The following ATP5F1A variants were observed in gnomAD, a reference collection of about 807,000 sequenced individuals.
The protein encoded by ATP5F1A is ATP synthase F(1) complex subunit alpha, mitochondrial.
ATP5F1A carries 24 observed loss-of-function variants against 57.4 expected under a neutral mutation model. The observed-to-expected ratio is 0.42, with a 90% CI of 0.30 to 0.59. The LOEUF (loss-of-function observed/expected upper bound fraction) is 0.59. ATP5F1A is among the 20% of genes least tolerant of loss of function. ATP5F1A has a pLI of 0.19. For missense variants in ATP5F1A, 494 were observed against 707.9 expected, an observed-to-expected ratio of 0.70 and a Z score of 3.43; for synonymous variants, 251 against 255.5, an observed-to-expected ratio of 0.98 and a Z score of 0.17.
intron 2 of ATP5F1A, 148 bp downstream of exon 2, chr18:46,094,905 T>C: frequency 8.3e-7 from 1 of 1,209,092 alleles, no homozygotes; most frequent in Non-Finnish European, 1.1e-6. Context: ...CAGGGCTAAA[T>C]GGTAACAATA....
chr18:46,086,936 C>G (rs1910143363), intron 8 of ATP5F1A, 72 bp downstream of exon 8: 3 of 1,477,904 alleles, frequency 2.0e-6, no homozygotes, highest in Non-Finnish European at 2.8e-6. Context: ...GTCAATATAC[C>G]ATTAGTCTCA....
Position 46,084,155 on chromosome 18 carries a change from A to T in ATP5F1A, c.*127T>A. On this transcript the variant is annotated 3_prime_UTR_variant, in exon 12 of 12. Transcript: ENST00000398752. ...AAATGACAGAAAACAACTATGCATT[A>T]TGGAACCTTTATTTTTCATGTGATT... The T allele has an allele frequency of 1.3e-6, 1 of 755,878 alleles. No individual in the cohort carries two copies. Among genetic ancestry groups the T allele is most frequent in the Non-Finnish European group, 2.0e-6 (1 of 488,172 alleles). The allele number at this position is 755,878 out of a possible 1,614,324, so 46.8% of individuals were successfully genotyped here.
chr18:46,090,825 T>C (rs1003989449), intron 3 of ATP5F1A, among the ~76,000 whole-genome samples: 2 of 152,236 alleles, frequency 1.3e-5, no homozygotes, highest in Admixed American at 1.3e-4. Context: ...AGGTACCATA[T>C]TAAACAGCAC....
chr18:46,086,008 TAAC>T (rs1212989814), intron 10 of ATP5F1A, 102 bp downstream of exon 10: 2 of 1,231,530 alleles, frequency 1.6e-6, no homozygotes, highest in Non-Finnish European at 2.2e-6. Flanking sequence ...AGATAACAGA[TAAC>T]AACACGTAGT....
intron 2 of ATP5F1A, among the ~76,000 whole-genome samples, chr18:46,093,022 G>A (rs1397106946): frequency 1.3e-5 from 2 of 152,004 alleles, no homozygotes; most frequent in Non-Finnish European, 2.9e-5. Flanking sequence ...GGTGGTGCAT[G>A]CCTGTAATCC....
chr18:46,095,211 A>C, intron 1 of ATP5F1A, 80 bp from the exon 2 acceptor site: 1 of 1,346,586 alleles, frequency 7.4e-7, no homozygotes, highest in South Asian at 1.3e-5. Context: ...ATGCCAGCTT[A>C]GTGTGATCAA....
intron 1 of ATP5F1A, chr18:46,104,077 C>CT (rs972326613): frequency 5.5e-4 from 155 of 284,140 alleles, no homozygotes; most frequent in Middle Eastern, 2.9e-3. Flanking sequence ...GTTTCAAGTA[C>CT]TTTTTTTTAA....
intron 2 of ATP5F1A, 53 bp downstream of exon 2, chr18:46,095,000 A>T: frequency 6.5e-7 from 1 of 1,544,016 alleles, no homozygotes; most frequent in Middle Eastern, 1.8e-4. Context: ...CGATGTATGT[A>T]ATTTATATCT....
Position 46,081,669 on chromosome 18 carries a change from A to C in ATP5F1A, c.*2613T>G, listed in dbSNP as rs865920830. 75 of 103,074 alleles carry C rather than the reference A, an allele frequency of 7.3e-4. No individual in the cohort carries two copies. Among genetic ancestry groups the C allele is most frequent in the South Asian group, 8.7e-4 (3 of 3,448 alleles). The allele number at this position is 103,074 out of a possible 1,614,324, so 6.4% of individuals were successfully genotyped here. On this transcript the variant is annotated 3_prime_UTR_variant, in exon 12 of 12. Coordinates refer to ENST00000398752, the MANE Select transcript of ATP5F1A (RefSeq NM_004046.6). ...ACAAGAGCAAAACTCTCAAAAAAAA[A>C]AAACAAAAAAAAAAAAAAAAAAAAA... is the stretch of plus-strand genomic sequence containing the variant.
intron 10 of ATP5F1A, chr18:46,085,051 C>A (rs1909978852): frequency 6.4e-6 from 1 of 155,734 alleles, no homozygotes; most frequent in Admixed American, 6.5e-5. Flanking sequence ...GCCTTAATTC[C>A]TGAAAGGAAG....
At chr18:46,089,286 G>A (rs1012193557) in intron 5 of ATP5F1A, 172 of 390,996 alleles carry the variant, frequency 4.4e-4, no homozygotes, top group Non-Finnish European at 6.7e-4. Context: ...GTGTGGAGGG[G>A]CTGGCCCCCT....
In ATP5F1A at chr18:46,095,192, C is replaced by G. The variant is rs775438038; in HGVS notation, c.61-61G>C. ...ACAAAGCCTTTATAAAACTTACAAG[C>G]TTAAACAAATGCCAGCTTAGTGTGA... On this transcript the variant is annotated intron_variant, in intron 1 of 11. Coordinates refer to ENST00000398752, the MANE Select transcript of ATP5F1A (RefSeq NM_004046.6). The G allele has an allele frequency of 5.3e-6, 8 of 1,515,002 alleles. No homozygotes were observed. In the South Asian group the frequency reaches 9.3e-5, roughly 18 times the overall value. 93.8% of individuals were successfully genotyped at this position (1,515,002 alleles called of 1,614,324 possible). A position where few individuals can be genotyped will look rare whatever the true frequency, so the allele number is the denominator to read the frequency against.
At chr18:46,087,735 C>T in intron 6 of ATP5F1A, 1 of 477,692 alleles carries the variant, frequency 2.1e-6, no homozygotes, top group Non-Finnish European at 3.7e-6. Context: ...CAAAAATTAG[C>T]CGGACGTGGT....
intron 7 of ATP5F1A, 33 bp downstream of exon 7, chr18:46,087,308 A>G: frequency 1.2e-6 from 2 of 1,612,916 alleles, no homozygotes; most frequent in Non-Finnish European, 1.7e-6. Flanking sequence ...TTCAGTACAA[A>G]TAAATGGATT....
chr18:46,085,706 G>A (rs184969488), intron 10 of ATP5F1A: 52 of 172,474 alleles, frequency 3.0e-4, no homozygotes, highest in Admixed American at 8.4e-4. Context: ...CTGAGGCAGG[G>A]TGGATTACCT....
Position 46,098,169 on chromosome 18 carries a change from C to T in ATP5F1A, c.60+3G>A. On this transcript the variant is annotated splice_donor_region_variant and intron_variant, in intron 1 of 11. Transcript: ENST00000398752. ...CTGCATCATGCCGGCCTTCGGTGCT[C>T]ACCAGTCCGGCCCGCCGAGGAAGGG... The T allele has an allele frequency of 6.2e-7, 1 of 1,603,254 alleles. No homozygotes were observed. Among genetic ancestry groups the T allele is most frequent in the Non-Finnish European group, 8.5e-7 (1 of 1,178,144 alleles).
At chr18:46,092,258 C>T (rs1273565065) in intron 2 of ATP5F1A, 3 of 150,052 alleles carry the variant, frequency 2.0e-5, no homozygotes, top group African/African-American at 4.9e-5. Flanking sequence ...CTTTTCAAAG[C>T]CCATTTCTCA....
upstream of ATP5F1A, chr18:46,098,362 A>AACCCCCCCCCCCCCC (rs1555696620): frequency 3.4e-6 from 4 of 1,192,930 alleles, no homozygotes; most frequent in African/African-American, 1.6e-5. Flanking sequence ...CCTCGCGTTC[A>AACCCCCCCCCCCCCC]CCACCTCTCC....
chr18:46,102,127 T>C (rs1013697906), upstream of ATP5F1A, among the ~76,000 whole-genome samples: 50 of 150,392 alleles, frequency 3.3e-4, no homozygotes, highest in African/African-American at 1.2e-3. Context: ...TAAGCCGAGA[T>C]TGCTCAACTG....
Sources: gnomAD v4.1 joint callset for allele counts (sites outside exome capture counted in the v4.1 genomes callset) on GRCh38, gnomAD v4.1.1 for gene constraint, MANE v1.5 for transcripts, NCBI Gene and HGNC (gene_info 2026-07-23, HGNC 2026-07-21) for gene names.